The following DIAPH3 variants were observed in gnomAD, a reference collection of about 807,000 sequenced individuals.
The protein encoded by DIAPH3 is protein diaphanous homolog 3.
In DIAPH3, 117 loss-of-function variants were observed where a neutral mutation model predicts 144.3. That is an observed-to-expected ratio of 0.81 (90% CI 0.70 to 0.95). The LOEUF is 0.95. Ranked by LOEUF, DIAPH3 falls within the 40% of genes least tolerant of loss-of-function variation. The pLI, the probability that DIAPH3 is intolerant of heterozygous loss-of-function variation, is 0.00. For missense variants in DIAPH3, 1,421 were observed against 1,412.7 expected (o/e 1.01, Z -0.09); for synonymous variants, 519 against 488.9 (o/e 1.06, Z -0.81).
At chr13:60,061,284 A>G (rs2056761504) in intron 4 of DIAPH3, among the ~76,000 whole-genome samples, 1 of 152,152 alleles carries the variant, frequency 6.6e-6, no homozygotes, top group Admixed American at 6.6e-5. Flanking sequence ...AGCACAAAAC[A>G]CACAGAAACA....
chr13:59,731,330 C>T (rs1178184054), intron 27 of DIAPH3, among the ~76,000 whole-genome samples: 3 of 152,098 alleles, frequency 2.0e-5, no homozygotes, highest in Non-Finnish European at 4.4e-5. Context: ...CATTAAACTA[C>T]AAGACATTGG....
At chr13:59,915,761 A>T (rs1221214077) in intron 19 of DIAPH3, among the ~76,000 whole-genome samples, 1 of 152,106 alleles carries the variant, frequency 6.6e-6, no homozygotes, top group Non-Finnish European at 1.5e-5. Flanking sequence ...AGGTAACTGT[A>T]ATTGAAAACT....
chr13:60,063,822 G>A (rs1204787888), intron 4 of DIAPH3, among the ~76,000 whole-genome samples: 4 of 151,896 alleles, frequency 2.6e-5, no homozygotes, highest in South Asian at 2.1e-4. Context: ...CCAGCTACTC[G>A]AGAGGCTGAG....
chr13:59,962,807 C>G (rs763113723), intron 17 of DIAPH3, among the ~76,000 whole-genome samples: 1 of 152,010 alleles, frequency 6.6e-6, no homozygotes, highest in Non-Finnish European at 1.5e-5. Flanking sequence ...AATTAAATAA[C>G]AAGATCTAGT....
intron 3 of DIAPH3, among the ~76,000 whole-genome samples, chr13:60,098,112 G>C (rs1389039565): frequency 1.3e-5 from 2 of 152,046 alleles, no homozygotes; most frequent in African/African-American, 4.8e-5. Flanking sequence ...CATTTTTTAT[G>C]TTTCTTAGTT....
In DIAPH3 at chr13:60,091,099, G is replaced by A. The variant is rs182794341; in HGVS notation, c.495+2529C>T. 3.6e-3 allele frequency among the ~76,000 whole-genome samples: 545 copies of A among 152,220 alleles called. 2 individuals carry two copies. Among genetic ancestry groups the A allele is most frequent in the African/African-American group, 0.011 (472 of 41,536 alleles). On this transcript the variant is annotated intron_variant, in intron 4 of 27. Coordinates refer to ENST00000400324, the MANE Select transcript of DIAPH3 (RefSeq NM_001042517.2). ...TTCTAAACCAGTTCTAACTGATGTC[G>A]TATCTCTTATAATAAATGAATTCCT...
At chr13:59,715,916 AGCAC>A (rs2035028180) in intron 27 of DIAPH3, among the ~76,000 whole-genome samples, 1 of 152,020 alleles carries the variant, frequency 6.6e-6, no homozygotes, top group Non-Finnish European at 1.5e-5. Context: ...GATACTACTG[AGCAC>A]TTCTAAGGAT....
intron 14 of DIAPH3, among the ~76,000 whole-genome samples, chr13:59,976,870 G>GA (rs2050705902): frequency 6.6e-6 from 1 of 151,624 alleles, no homozygotes; most frequent in African/African-American, 2.4e-5. Context: ...CAAGACAGAC[G>GA]AAAAAACATA....
intron 20 of DIAPH3, among the ~76,000 whole-genome samples, chr13:59,886,623 C>A (rs2045468460): frequency 6.6e-6 from 1 of 152,022 alleles, no homozygotes; most frequent in African/African-American, 2.4e-5. Context: ...TTTACAACTT[C>A]TTTCATTTCT....
intron 27 of DIAPH3, among the ~76,000 whole-genome samples, chr13:59,733,026 A>G (rs1183173493): frequency 6.6e-6 from 1 of 152,040 alleles, no homozygotes; most frequent in Non-Finnish European, 1.5e-5. Flanking sequence ...GGGTCTTAGT[A>G]TATTATGTTT....
chr13:60,156,548 C>T (rs1041577865), intron 1 of DIAPH3, among the ~76,000 whole-genome samples: 2 of 151,940 alleles, frequency 1.3e-5, no homozygotes, highest in East Asian at 3.9e-4. Flanking sequence ...TTTATCTGGG[C>T]TTGGTGTGGT....
At chr13:59,908,288 C>T (rs947762367) in intron 20 of DIAPH3, among the ~76,000 whole-genome samples, 3 of 146,224 alleles carry the variant, frequency 2.1e-5, no homozygotes, top group Non-Finnish European at 4.5e-5. Context: ...GCAGGGGAAT[C>T]GCTTGAACCC....
intron 4 of DIAPH3, among the ~76,000 whole-genome samples, chr13:60,080,318 C>T (rs1203396059): frequency 6.6e-6 from 1 of 151,626 alleles, no homozygotes; most frequent in East Asian, 1.9e-4. Flanking sequence ...CCCTAATGTC[C>T]GTAACATTCT....
In DIAPH3 at chr13:59,924,907, A is replaced by G. The variant is rs746882787; in HGVS notation, c.2075-37T>C. On this transcript the variant is annotated intron_variant, in intron 17 of 27. Coordinates refer to ENST00000400324, the MANE Select transcript of DIAPH3 (RefSeq NM_001042517.2). Reference sequence around the variant, plus strand: ...AGATAGATCCATGTTAGGGGCAGCAATTCATTCAAATACAAAAGTGGAAAA... The same window carrying G: ...AGATAGATCCATGTTAGGGGCAGCAGTTCATTCAAATACAAAAGTGGAAAA... 6.6e-5 allele frequency: 104 copies of G among 1,580,228 alleles called. 1 individual carries two copies. Among genetic ancestry groups the G allele is most frequent in the Non-Finnish European group, 8.6e-5 (99 of 1,157,606 alleles).
intron 17 of DIAPH3, among the ~76,000 whole-genome samples, chr13:59,968,074 ATCTT>A (rs1471497976): frequency 1.3e-5 from 2 of 152,174 alleles, no homozygotes; most frequent in African/African-American, 2.4e-5. Flanking sequence ...TTTCACCTTA[ATCTT>A]TCTAACTAGT....
chr13:59,857,613 C>T (rs1226160409), intron 22 of DIAPH3, among the ~76,000 whole-genome samples: 1 of 152,108 alleles, frequency 6.6e-6, no homozygotes, highest in Non-Finnish European at 1.5e-5. Flanking sequence ...TAAATCTATT[C>T]ACAGCTGTCC....
intron 25 of DIAPH3, among the ~76,000 whole-genome samples, chr13:59,807,635 A>G (rs1383961574): frequency 6.6e-6 from 1 of 152,036 alleles, no homozygotes; most frequent in Non-Finnish European, 1.5e-5. Context: ...TATGTACCTC[A>G]GCAAATTACA....
chr13:59,672,996 CT>C (rs1377477385), intron 27 of DIAPH3, among the ~76,000 whole-genome samples: 4 of 152,172 alleles, frequency 2.6e-5, no homozygotes, highest in African/African-American at 9.7e-5. Flanking sequence ...CATTCTTGTT[CT>C]GTATCACTAT....
At chr13:60,089,944 A>G (rs1424037037) in intron 4 of DIAPH3, among the ~76,000 whole-genome samples, 1 of 152,212 alleles carries the variant, frequency 6.6e-6, no homozygotes, top group Admixed American at 6.5e-5. Flanking sequence ...AACAGCGGCA[A>G]AGAAAAAACC....
Sources: allele counts gnomAD v4.1 joint callset (sites outside exome capture counted in the v4.1 genomes callset), GRCh38; gene constraint gnomAD v4.1.1; transcripts MANE v1.5; gene names NCBI Gene and HGNC (gene_info 2026-07-23, HGNC 2026-07-21).